MAIP1: variants seen among roughly 807,000 people sequenced by gnomAD.
MAIP1 encodes matrix AAA peptidase interacting protein 1, also known as m-AAA protease-interacting protein 1, mitochondrial.
In MAIP1, 28 loss-of-function variants were observed where a neutral mutation model predicts 31.2. The ratio of observed to expected loss-of-function variants is 0.90; its 90% confidence interval spans 0.67 to 1.23. MAIP1 has a LOEUF of 1.23. Ranked by LOEUF, MAIP1 falls within the 50% of genes most tolerant of loss-of-function variation. MAIP1 has a pLI of 0.00. For synonymous variants in MAIP1, 142 were observed against 142.3 expected (o/e 1.00, Z 0.02); for missense variants, 339 against 356.0 (o/e 0.95, Z 0.38).
At chr2:199,962,118 T>C (rs1167145129) in intron 4 of MAIP1, among the ~76,000 whole-genome samples, 190 bp downstream of exon 4, 1 of 152,240 alleles carries the variant, frequency 6.6e-6, no homozygotes, top group Non-Finnish European at 1.5e-5. Context: ...GTAAAGTTGC[T>C]GAATTTAATT....
At chr2:199,960,125 T>A (rs955639005) in intron 3 of MAIP1, among the ~76,000 whole-genome samples, 3 of 152,240 alleles carry the variant, frequency 2.0e-5, no homozygotes, top group African/African-American at 7.2e-5. Flanking sequence ...ACATCATCAC[T>A]TACATTGATG....
chr2:199,957,386 C>T (rs971100103), intron 1 of MAIP1, among the ~76,000 whole-genome samples: 1 of 151,956 alleles, frequency 6.6e-6, no homozygotes, highest in Non-Finnish European at 1.5e-5. Context: ...AGCGAGACTC[C>T]GTCTCAAAAA....
intron 1 of MAIP1, among the ~76,000 whole-genome samples, chr2:199,958,230 C>T (rs1314239321): frequency 1.3e-5 from 2 of 152,144 alleles, no homozygotes; most frequent in African/African-American, 2.4e-5. Context: ...TGCATGCGTG[C>T]TCCTGGTGGC....
At chr2:199,962,611 G>A (rs1239033390) in intron 4 of MAIP1, among the ~76,000 whole-genome samples, 1 of 152,138 alleles carries the variant, frequency 6.6e-6, no homozygotes, top group Non-Finnish European at 1.5e-5. Flanking sequence ...AACCAGCAAG[G>A]CCACATAGCA....
intron 1 of MAIP1, 142 bp downstream of exon 1, chr2:199,956,390 T>G (rs1334569425): frequency 2.7e-6 from 2 of 734,616 alleles, no homozygotes; most frequent in Admixed American, 4.7e-5. Context: ...CTTCCAGCCA[T>G]TGCTTGACTT....
intron 4 of MAIP1, among the ~76,000 whole-genome samples, chr2:199,963,491 G>C (rs897910624): frequency 6.6e-6 from 1 of 152,102 alleles, no homozygotes; most frequent in Non-Finnish European, 1.5e-5. Context: ...GCTGGTAGAT[G>C]TTGAATATAG....
At position 199,961,767 on chromosome 2, in the gene MAIP1, G is replaced by GT. The variant is rs775334643; in HGVS notation, c.650-8dup. ...GATTTGTATTCGTATGTGTGTATATGTTTTTTCTCTAAGGAAGGAAGTTTG... is the reference window on the plus strand; with the variant it reads ...GATTTGTATTCGTATGTGTGTATATGTTTTTTTCTCTAAGGAAGGAAGTTTG... On this transcript the variant is annotated splice_polypyrimidine_tract_variant and intron_variant, in intron 3 of 4. Coordinates refer to ENST00000392290, the MANE Select transcript of MAIP1 (RefSeq NM_001394955.1). The GT allele has an allele frequency of 6.2e-6, 10 of 1,605,104 alleles. No homozygotes were observed. In the African/African-American group the frequency reaches 1.3e-4, roughly 22 times the overall value.
chr2:199,955,902 C>G lies in MAIP1; in HGVS notation c.104C>G (p.Pro35Arg). Residue 35 changes from proline to arginine, a missense_variant, in exon 1 of 5, where the codon CCG becomes CGG. By Grantham distance (103) the Pro-to-Arg change is moderately radical. Transcript: ENST00000392290. Reference sequence around the variant, plus strand: ...CCTGCTGTGGCCGAGGTGAGGCTGCCGTCGGCCACACTTTGCTACTTCTGC... The same window carrying G: ...CCTGCTGTGGCCGAGGTGAGGCTGCGGTCGGCCACACTTTGCTACTTCTGC... ...RTPAVAEVRLPSATLCYFCRC... is the reference protein window; with the variant it reads ...RTPAVAEVRLRSATLCYFCRC... 2 of 1,576,882 alleles carry G rather than the reference C, an allele frequency of 1.3e-6. No individual in the cohort carries two copies. Among genetic ancestry groups the G allele is most frequent in the Non-Finnish European group, 1.7e-6 (2 of 1,160,220 alleles).
chr2:199,961,308 T>G (rs1425481317), intron 3 of MAIP1, among the ~76,000 whole-genome samples: 1 of 151,712 alleles, frequency 6.6e-6, no homozygotes, highest in African/African-American at 2.4e-5. Context: ...ACTGAAAATA[T>G]GAAAAAATAG....
rs529678980 is a variant in MAIP1 at position 199,956,311 on chromosome 2, T to G, written c.450+63T>G. ...TGAGTTCAACTATTGCTCGCAGAAG[T>G]GCTTAGCAGTGAGTTTTCTTCACTG... On this transcript the variant is annotated intron_variant, in intron 1 of 4. Coordinates refer to ENST00000392290, the MANE Select transcript of MAIP1 (RefSeq NM_001394955.1). The G allele has an allele frequency of 1.4e-5, 18 of 1,302,736 alleles. No homozygotes were observed. In the Admixed American group the frequency reaches 2.5e-4, roughly 18 times the overall value. The allele number at this position is 1,302,736 out of a possible 1,614,324, so 80.7% of individuals were successfully genotyped here. A position where few individuals can be genotyped will look rare whatever the true frequency, so the allele number is the denominator to read the frequency against.
Position 199,956,028 on chromosome 2 carries a change from GC to G in MAIP1, c.231del (p.Ser77ArgfsTer34), listed in dbSNP as rs1322650166. Reference protein sequence around the residue: ...PAQGSRWPVLSSPGLPAAFAS... With the variant: ...PAQGSRWPVLXSPGLPAAFAS... ...CAGGGCTCCCGGTGGCCAGTGCTCA[GC>G]AGCCCGGGACTCCCCGCAGCCTTCG... On this transcript the variant is annotated frameshift_variant, in exon 1 of 5. Coordinates refer to ENST00000392290, the MANE Select transcript of MAIP1 (RefSeq NM_001394955.1). LOFTEE classifies it high-confidence loss of function. 1 of 1,609,482 alleles carries G rather than the reference GC, an allele frequency of 6.2e-7. No homozygotes were observed. Among genetic ancestry groups the G allele is most frequent in the Non-Finnish European group, 8.5e-7 (1 of 1,177,772 alleles).
intron 3 of MAIP1, 142 bp downstream of exon 3, chr2:199,960,022 G>C: frequency 1.3e-6 from 1 of 753,992 alleles, no homozygotes; most frequent in Non-Finnish European, 2.1e-6. Flanking sequence ...ATTCTTTAAA[G>C]ACCTACTTCT....
intron 2 of MAIP1, 89 bp from the exon 3 acceptor site, chr2:199,959,665 G>T: frequency 8.5e-7 from 1 of 1,174,502 alleles, no homozygotes; most frequent in Non-Finnish European, 1.2e-6. Flanking sequence ...AAATAGGTTT[G>T]GAAAAATGTA....
At chr2:199,962,477 A>T (rs1208110007) in intron 4 of MAIP1, among the ~76,000 whole-genome samples, 1 of 152,204 alleles carries the variant, frequency 6.6e-6, no homozygotes, top group Non-Finnish European at 1.5e-5. Context: ...GGAAGCTGCT[A>T]AACCAGTAAA....
chr2:199,961,698 C>A, intron 3 of MAIP1, 83 bp from the exon 4 acceptor site: 3 of 1,315,888 alleles, frequency 2.3e-6, no homozygotes, highest in Non-Finnish European at 3.2e-6. Flanking sequence ...TAACTGCTGC[C>A]AATTTCTGAT....
intron 4 of MAIP1, among the ~76,000 whole-genome samples, chr2:199,963,321 C>T (rs1463400842): frequency 6.6e-6 from 1 of 152,014 alleles, no homozygotes; most frequent in Non-Finnish European, 1.5e-5. Context: ...TGAAAAATAG[C>T]TTTTTGCCTG....
rs2105729283 is a variant in MAIP1, at chr2:199,963,869, A to G, written c.*58A>G. On this transcript the variant is annotated 3_prime_UTR_variant, in exon 5 of 5. Coordinates refer to ENST00000392290, the MANE Select transcript of MAIP1 (RefSeq NM_001394955.1). ...CAGTTGCTGTGAAAAACTAAGGAAG[A>G]AAAATTTTGGGGTCATTTGATCTTC... is the stretch of plus-strand genomic sequence containing the variant. 2 of 1,073,794 alleles carry G rather than the reference A, an allele frequency of 1.9e-6. No homozygotes were observed. The highest frequency in any genetic ancestry group is 5.0e-5 in the East Asian group (2 of 40,328). The allele number at this position is 1,073,794 out of a possible 1,614,324, so 66.5% of individuals were successfully genotyped here.
intron 3 of MAIP1, among the ~76,000 whole-genome samples, chr2:199,961,379 G>A (rs1290304654): frequency 6.6e-6 from 1 of 152,034 alleles, no homozygotes; most frequent in Non-Finnish European, 1.5e-5. Context: ...TGGGAGGATC[G>A]CTTGAGCCTG....
In MAIP1 at chr2:199,955,944, T is replaced by C. The variant is rs2105721948; in HGVS notation, c.146T>C (p.Leu49Ser). 6.2e-7 allele frequency: 1 copy of C among 1,605,082 alleles called. No individual in the cohort carries two copies. Among genetic ancestry groups the C allele is most frequent in the Non-Finnish European group, 8.5e-7 (1 of 1,174,308 alleles). The stretch of plus-strand genomic sequence containing the variant: ...TACTTCTGCCGCTGTCGCCTCGGCT[T>C]GGGAGCGGCGTTATTTCCACGAAGC... ...LCYFCRCRLGLGAALFPRSAR... is the reference protein window; with the variant it reads ...LCYFCRCRLGSGAALFPRSAR... The change falls in exon 1 of 5, where the codon TTG (leucine) becomes TCG (serine). Residue 49 changes from leucine to serine, a missense_variant. Transcript: ENST00000392290.
Sources: allele counts gnomAD v4.1 joint callset (sites outside exome capture counted in the v4.1 genomes callset), GRCh38; gene constraint gnomAD v4.1.1; transcripts MANE v1.5; gene names NCBI Gene and HGNC (gene_info 2026-07-23, HGNC 2026-07-21).